ABHD3: variants seen among roughly 807,000 people sequenced by gnomAD.
ABHD3 encodes phospholipase ABHD3.
ABHD3 carries 46 observed loss-of-function variants against 48.8 expected under a neutral mutation model. That is an observed-to-expected ratio of 0.94 (90% CI 0.74 to 1.20). ABHD3 has a LOEUF of 1.20. Ranked by LOEUF, ABHD3 falls within the 50% of genes most tolerant of loss-of-function variation. ABHD3 has a pLI of 0.00. For synonymous variants in ABHD3, 192 were observed against 183.7 expected (o/e 1.04, Z -0.36); for missense variants, 490 against 497.8 (o/e 0.98, Z 0.15).
intron 4 of ABHD3, among the ~76,000 whole-genome samples, chr18:21,667,225 C>A (rs543982364): frequency 2.0e-5 from 3 of 147,176 alleles, no homozygotes; most frequent in African/African-American, 5.1e-5. Context: ...AGGCGCCCAC[C>A]ACCACACCCT....
chr18:21,699,723 C>T (rs2040464630), intron 3 of ABHD3, among the ~76,000 whole-genome samples: 1 of 152,180 alleles, frequency 6.6e-6, no homozygotes, highest in African/African-American at 2.4e-5. Context: ...TCTTGTTGCC[C>T]AGGCTGGAGT....
chr18:21,674,074 T>C (rs1235573147), intron 4 of ABHD3, among the ~76,000 whole-genome samples: 1 of 152,134 alleles, frequency 6.6e-6, no homozygotes, highest in Non-Finnish European at 1.5e-5. Flanking sequence ...AATCCAGTTC[T>C]ATATGGGTCT....
At chr18:21,666,406 C>A (rs1245270281) in intron 4 of ABHD3, among the ~76,000 whole-genome samples, 17 of 152,168 alleles carry the variant, frequency 1.1e-4, no homozygotes, top group Admixed American at 6.5e-4. Flanking sequence ...GTTGGCCAGG[C>A]TGGTCTCTAA....
At chr18:21,684,380 C>T (rs915877077) in intron 3 of ABHD3, among the ~76,000 whole-genome samples, 1 of 126,854 alleles carries the variant, frequency 7.9e-6, no homozygotes, top group African/African-American at 3.1e-5. Flanking sequence ...TGCAATGGTG[C>T]GATCTCGGCT....
chr18:21,701,059 A>C (rs2040502546), intron 3 of ABHD3, among the ~76,000 whole-genome samples: 1 of 151,922 alleles, frequency 6.6e-6, no homozygotes, highest in Admixed American at 6.6e-5. Context: ...AATTTCTTGA[A>C]TATAATTCTT....
At position 21,684,091 on chromosome 18, in the gene ABHD3, G is replaced by A. The variant is rs1472355232; in HGVS notation, c.510-126C>T. 6 of 775,492 alleles carry A rather than the reference G, an allele frequency of 7.7e-6. No individual in the cohort carries two copies. In the African/African-American group the frequency reaches 8.9e-5, roughly 11 times the overall value. The allele number at this position is 775,492 out of a possible 1,614,324, so 48.0% of individuals were successfully genotyped here. On this transcript the variant is annotated intron_variant, in intron 3 of 8. Transcript: ENST00000289119. The stretch of plus-strand genomic sequence containing the variant: ...GATTTTAAAAATCTGTCTTGTAGTT[G>A]TAATGTTTGGCAATTTCATCTAAAT...
At position 21,703,695 on chromosome 18, in the gene ABHD3, T is replaced by C; in HGVS notation, c.215A>G (p.His72Arg). 1 of 1,613,948 alleles carries C rather than the reference T, an allele frequency of 6.2e-7. No homozygotes were observed. The highest frequency in any genetic ancestry group is 8.5e-7 in the Non-Finnish European group (1 of 1,179,996). ...GESFSRFLQD[H>R]CPVVTETYYP... ...GTACGTTTCTGTAACCACGGGACAG[T>C]GGTCTTGAAGGAAGCGGCTGAAACT... The change falls in exon 2 of 9, where the codon CAC becomes CGC. Residue 72 changes from histidine (H) to arginine (R), a missense_variant. By Grantham distance (29) the His-to-Arg change is conservative. Coordinates refer to ENST00000289119, the MANE Select transcript of ABHD3 (RefSeq NM_138340.5).
intron 3 of ABHD3, among the ~76,000 whole-genome samples, chr18:21,688,076 G>C (rs561765610): frequency 1.3e-5 from 2 of 152,296 alleles, no homozygotes; most frequent in Admixed American, 1.3e-4. Flanking sequence ...TGGAAGTCAA[G>C]GTTGCAGTGC....
In ABHD3 at chr18:21,664,165, G is replaced by A. The variant is rs376883720; in HGVS notation, c.621C>T (p.Ser207=). 3.1e-6 allele frequency: 5 copies of A among 1,614,098 alleles called. No individual in the cohort carries two copies. The Admixed American group carries it at 8.3e-5, about 27-fold the overall frequency. The change falls in exon 5 of 9, where the codon AGC becomes AGT. Residue 207 remains serine (S), a synonymous_variant. Transcript: ENST00000289119. ...CCAGGAAAGGAGCAGAAGGGTACAG[G>A]CTGTGTACATGGTGAATAACTGTCT... ...DLETVIHHVH[S]LYPSAPFLAA...
At chr18:21,694,327 C>A (rs1188304954) in intron 3 of ABHD3, among the ~76,000 whole-genome samples, 1 of 152,132 alleles carries the variant, frequency 6.6e-6, no homozygotes, top group Admixed American at 6.5e-5. Context: ...GAACTCCTGA[C>A]GTCAAGCGAT....
chr18:21,674,183 A>G (rs1481333017), intron 4 of ABHD3, among the ~76,000 whole-genome samples: 4 of 152,054 alleles, frequency 2.6e-5, no homozygotes, highest in Non-Finnish European at 5.9e-5. Context: ...CCTAGCTATT[A>G]AATTATTATT....
chr18:21,657,074 TAAAAG>T, intron 7 of ABHD3, 25 bp downstream of exon 7: 4 of 1,613,734 alleles, frequency 2.5e-6, no homozygotes, highest in Non-Finnish European at 3.4e-6. Context: ...AAAGAAGAAA[TAAAAG>T]TATTACATAA....
intron 4 of ABHD3, among the ~76,000 whole-genome samples, chr18:21,678,902 T>C (rs1044813153): frequency 3.3e-5 from 5 of 152,148 alleles, no homozygotes; most frequent in African/African-American, 1.2e-4. Flanking sequence ...CAATAACTAA[T>C]TGGAAATGAG....
rs566931567 is a variant in ABHD3 at position 21,671,328 on chromosome 18, G to A, written c.556-7098C>T. 5.3e-5 allele frequency among the ~76,000 whole-genome samples: 8 copies of A among 152,200 alleles called. No individual in the cohort carries two copies. In the South Asian group the frequency reaches 1.7e-3, roughly 31 times the overall value. On this transcript the variant is annotated intron_variant, in intron 4 of 8. Coordinates refer to ENST00000289119, the MANE Select transcript of ABHD3 (RefSeq NM_138340.5). ...CATCATCTGTCTTCTTTCTTCACAG[G>A]AGCTGAAGTTAGAAATAAGCACAGC... is the stretch of plus-strand genomic sequence containing the variant.
chr18:21,659,418 C>A lies in ABHD3; in HGVS notation c.669-75G>T, dbSNP rs763330264. 293 of 1,441,032 alleles carry A rather than the reference C, an allele frequency of 2.0e-4. 1 individual carries two copies. Among genetic ancestry groups the A allele is most frequent in the Middle Eastern group, 1.8e-4 (1 of 5,560 alleles). The allele number at this position is 1,441,032 out of a possible 1,614,324, so 89.3% of individuals were successfully genotyped here. On this transcript the variant is annotated intron_variant, in intron 5 of 8. Coordinates refer to ENST00000289119, the MANE Select transcript of ABHD3 (RefSeq NM_138340.5). ...GAAGACATCCATTTCTAACTACAGA[C>A]TTTATGTTAACTATGGAGAAGAAAA...
At chr18:21,690,112 G>C (rs2146326337) in intron 3 of ABHD3, among the ~76,000 whole-genome samples, 1 of 149,666 alleles carries the variant, frequency 6.7e-6, no homozygotes, top group Non-Finnish European at 1.5e-5. Flanking sequence ...GGGGGAGCTT[G>C]TAAAGAATTT....
intron 3 of ABHD3, among the ~76,000 whole-genome samples, chr18:21,688,503 T>C (rs2040176208): frequency 6.6e-6 from 1 of 152,250 alleles, no homozygotes; most frequent in Non-Finnish European, 1.5e-5. Context: ...TAATATTTAC[T>C]GAACTAAAGA....
chr18:21,675,331 T>G (rs1271391636), intron 4 of ABHD3, among the ~76,000 whole-genome samples: 1 of 145,856 alleles, frequency 6.9e-6, no homozygotes, highest in Admixed American at 7.3e-5. Flanking sequence ...TGCAGTGGCA[T>G]GATCTCGGCT....
At chr18:21,683,077 T>C (rs2040043022) in intron 4 of ABHD3, 1 of 152,924 alleles carries the variant, frequency 6.5e-6, no homozygotes, top group Non-Finnish European at 1.5e-5. Context: ...GACCTGATTG[T>C]AAATTTTTAT....
Sources: gnomAD v4.1 joint callset for allele counts (sites outside exome capture counted in the v4.1 genomes callset) on GRCh38, gnomAD v4.1.1 for gene constraint, MANE v1.5 for transcripts, NCBI Gene and HGNC (gene_info 2026-07-23, HGNC 2026-07-21) for gene names.